Variants in GRIK2 observed in about 807,000 individuals in gnomAD.
GRIK2 encodes glutamate receptor ionotropic, kainate 2.
A neutral mutation model predicts 100.3 loss-of-function variants in GRIK2; 32 were observed. That is an observed-to-expected ratio of 0.32 (90% confidence interval 0.24 to 0.43). The LOEUF is 0.43. GRIK2 is among the 20% of genes least tolerant of loss of function. GRIK2 has a pLI of 1.00. For missense variants in GRIK2, 843 were observed against 1,114.9 expected, an observed-to-expected ratio of 0.76 and a Z score of 3.47; for synonymous variants, 417 against 389.4, an observed-to-expected ratio of 1.07 and a Z score of -0.83.
intron 14 of GRIK2, among the ~76,000 whole-genome samples, chr6:101,974,489 G>GAAA (rs1562080259): frequency 6.6e-6 from 1 of 151,958 alleles, no homozygotes; most frequent in Non-Finnish European, 1.5e-5. Flanking sequence ...CACACATAAA[G>GAAA]AAATTTAATT....
At chr6:101,744,554 A>ATATATC (rs1776296970) in intron 7 of GRIK2, 1 of 114,814 alleles carries the variant, frequency 8.7e-6, no homozygotes, top group Non-Finnish European at 1.7e-5. Context: ...ATATATATAT[A>ATATATC]TATATCACAA....
intron 14 of GRIK2, among the ~76,000 whole-genome samples, chr6:101,929,247 C>G (rs189599975): frequency 6.6e-6 from 1 of 152,154 alleles, no homozygotes; most frequent in East Asian, 1.9e-4. Context: ...GTGCCTTGCC[C>G]TCGTCTATTT....
At chr6:101,842,608 C>CT (rs528289043) in intron 10 of GRIK2, among the ~76,000 whole-genome samples, 9 of 151,916 alleles carry the variant, frequency 5.9e-5, no homozygotes, top group South Asian at 2.1e-4. Flanking sequence ...ATTCAAAAAA[C>CT]TTTTTTTTAT....
intron 2 of GRIK2, among the ~76,000 whole-genome samples, chr6:101,570,611 T>C (rs1403483326): frequency 6.6e-6 from 1 of 152,162 alleles, no homozygotes; most frequent in Non-Finnish European, 1.5e-5. Context: ...AGTTCTTCCA[T>C]GTACCTAAAC....
chr6:101,684,132 A>G (rs946537578), intron 6 of GRIK2, among the ~76,000 whole-genome samples: 1 of 152,180 alleles, frequency 6.6e-6, no homozygotes, highest in East Asian at 1.9e-4. Context: ...GCATATCTCT[A>G]TATTATTTCC....
At chr6:101,438,887 T>A (rs1318522964) in intron 2 of GRIK2, among the ~76,000 whole-genome samples, 3 of 152,146 alleles carry the variant, frequency 2.0e-5, no homozygotes, top group Non-Finnish European at 2.9e-5. Context: ...CAACATGCAC[T>A]TTTGTAAACT....
intron 11 of GRIK2, among the ~76,000 whole-genome samples, chr6:101,861,495 T>C (rs1784731358): frequency 6.6e-6 from 1 of 152,164 alleles, no homozygotes; most frequent in South Asian, 2.1e-4. Flanking sequence ...ATGACCTATA[T>C]GTTGTGAATG....
intron 2 of GRIK2, among the ~76,000 whole-genome samples, chr6:101,581,039 C>T (rs1406112638): frequency 6.6e-6 from 1 of 151,886 alleles, no homozygotes; most frequent in Non-Finnish European, 1.5e-5. Flanking sequence ...ATGTAAGTTT[C>T]AAGAGAGTAG....
chr6:101,546,824 T>C (rs1254444615), intron 2 of GRIK2, among the ~76,000 whole-genome samples: 1 of 81,602 alleles, frequency 1.2e-5, no homozygotes, highest in African/African-American at 5.6e-5. Context: ...TGTTTCTTTT[T>C]TTTTTTTTTT....
chr6:101,685,030 T>C (rs1771577662), intron 6 of GRIK2, among the ~76,000 whole-genome samples: 1 of 152,138 alleles, frequency 6.6e-6, no homozygotes, highest in Non-Finnish European at 1.5e-5. Context: ...AAGTACCATA[T>C]TTGGGGGTAG....
intron 2 of GRIK2, among the ~76,000 whole-genome samples, chr6:101,414,496 G>A (rs1351735633): frequency 6.6e-6 from 1 of 152,140 alleles, no homozygotes; most frequent in Admixed American, 6.6e-5. Flanking sequence ...CCCCCTGGAA[G>A]TCCCCAAAGC....
intron 2 of GRIK2, among the ~76,000 whole-genome samples, chr6:101,604,475 T>C (rs547227320): frequency 6.6e-6 from 1 of 151,936 alleles, no homozygotes; most frequent in South Asian, 2.1e-4. Flanking sequence ...GGCAAGACGA[T>C]CTATAATTAA....
intron 6 of GRIK2, among the ~76,000 whole-genome samples, chr6:101,683,201 G>GGA (rs1771417685): frequency 7.0e-6 from 1 of 143,692 alleles, no homozygotes; most frequent in Non-Finnish European, 1.5e-5. Context: ...ACTCCATCTA[G>GGA]AAAAAAAAAA....
intron 2 of GRIK2, among the ~76,000 whole-genome samples, chr6:101,546,103 C>T (rs990894904): frequency 2.0e-5 from 3 of 152,184 alleles, no homozygotes; most frequent in East Asian, 1.9e-4. Context: ...TTTTAGATTT[C>T]GACTCAAAAG....
At chr6:101,877,820 G>A (rs566138100) in intron 11 of GRIK2, among the ~76,000 whole-genome samples, 2 of 151,732 alleles carry the variant, frequency 1.3e-5, no homozygotes, top group African/African-American at 4.8e-5. Context: ...TCTATGTGGA[G>A]AGATAAACAG....
At chr6:101,937,272 T>C (rs558168531) in intron 14 of GRIK2, among the ~76,000 whole-genome samples, 1 of 152,216 alleles carries the variant, frequency 6.6e-6, no homozygotes, top group Non-Finnish European at 1.5e-5. Context: ...CCTCCCTCCT[T>C]TACTCTGTGC....
At chr6:101,804,818 A>G (rs1433805917) in intron 9 of GRIK2, among the ~76,000 whole-genome samples, 3 of 151,968 alleles carry the variant, frequency 2.0e-5, no homozygotes, top group Non-Finnish European at 4.4e-5. Context: ...CATCAGCTAA[A>G]GGACAGCGGT....
At chr6:101,853,847 C>T (rs2518200) in intron 10 of GRIK2, among the ~76,000 whole-genome samples, 110,143 of 152,068 alleles carry the variant, frequency 0.72, 42,309 homozygotes, top group Non-Finnish European at 0.87. Context: ...GAAAAGGCCA[C>T]ATTCCAACTA....
chr6:101,510,649 A>G (rs1774260766), intron 2 of GRIK2, among the ~76,000 whole-genome samples: 2 of 149,578 alleles, frequency 1.3e-5, no homozygotes, highest in Non-Finnish European at 3.0e-5. Context: ...CAGCCTCCCG[A>G]GTAGCTGGGA....
Sources: allele counts gnomAD v4.1 joint callset (sites outside exome capture counted in the v4.1 genomes callset), GRCh38; gene constraint gnomAD v4.1.1; transcripts MANE v1.5; gene names NCBI Gene and HGNC (gene_info 2026-07-23, HGNC 2026-07-21).